Variants in DYM observed in about 807,000 individuals in gnomAD.
DYM encodes the protein dymeclin.
A neutral mutation model predicts 93.1 loss-of-function variants in DYM; 78 were observed. The observed-to-expected ratio is 0.84, with a 90% CI of 0.70 to 1.01. The LOEUF (loss-of-function observed/expected upper bound fraction) is 1.01. Among genes scored for constraint, DYM ranks in the 50% least tolerant of loss-of-function variants. The probability of loss-of-function intolerance (pLI) is 0.00; values close to 1 mark genes in which losing one functional copy is unlikely to be tolerated. For synonymous variants in DYM, 321 were observed against 319.7 expected (o/e 1.00, Z -0.04); for missense variants, 789 against 845.0 (o/e 0.93, Z 0.82).
chr18:49,249,441 C>A lies in DYM; in HGVS notation c.1460+7569G>T, dbSNP rs545323649. ...ATAGGTCAATTTGCTTATTAATATTCCCTTTCATGTTTGAGAAAAAAACCC... is the reference window on the plus strand; with the variant it reads ...ATAGGTCAATTTGCTTATTAATATTACCTTTCATGTTTGAGAAAAAAACCC... On this transcript the variant is annotated intron_variant, in intron 13 of 17. Coordinates refer to ENST00000675505, the MANE Select transcript of DYM (RefSeq NM_001353214.3). Among the ~76,000 whole-genome samples, 29 of 152,126 alleles carry A rather than the reference C, an allele frequency of 1.9e-4. 1 individual carries two copies. Among genetic ancestry groups the A allele is most frequent in the Admixed American group, 1.9e-3 (29 of 15,286 alleles).
chr18:49,258,821 C>CACAG (rs796581808), intron 11 of DYM, among the ~76,000 whole-genome samples: 22,944 of 133,968 alleles, frequency 0.17, 2,672 homozygotes, highest in East Asian at 0.33. Flanking sequence ...CACACACACA[C>CACAG]AGAGACACAC....
At chr18:49,393,096 GGAAGGAAGGAAGGAAGGAA>G (rs2069565648) in intron 2 of DYM, among the ~76,000 whole-genome samples, 1,081 of 13,642 alleles carry the variant, frequency 0.079, 98 homozygotes, top group South Asian at 0.15. Context: ...AGGGAGGGAA[GGAAGGAAGGAAGGAAGGAA>G]GGAAGGAAGG....
chr18:49,203,067 C>T (rs183662364), intron 14 of DYM, among the ~76,000 whole-genome samples: 2 of 9,540 alleles, frequency 2.1e-4, no homozygotes, highest in Admixed American at 1.0e-3. Context: ...GTCAGCCCTC[C>T]GCCCGGCCAG....
chr18:49,405,707 T>A (rs1468941624), intron 2 of DYM, among the ~76,000 whole-genome samples: 2 of 152,232 alleles, frequency 1.3e-5, no homozygotes, highest in African/African-American at 4.8e-5. Flanking sequence ...GTTTTGGCTA[T>A]TCAAGCTCTT....
chr18:49,388,277 C>T (rs958564642), intron 3 of DYM, among the ~76,000 whole-genome samples: 8 of 151,856 alleles, frequency 5.3e-5, no homozygotes, highest in Non-Finnish European at 8.8e-5. Flanking sequence ...TTGCAGTGAG[C>T]GGTGATAGTG....
chr18:49,147,142 T>C, intron 15 of DYM, among the ~76,000 whole-genome samples: 1 of 152,070 alleles, frequency 6.6e-6, no homozygotes, highest in Admixed American at 6.6e-5. Context: ...TGGCTAGCCA[T>C]ATGTAGAAAG....
intron 17 of DYM, among the ~76,000 whole-genome samples, chr18:49,095,025 G>A (rs1202665077): frequency 6.6e-6 from 1 of 152,152 alleles, no homozygotes; most frequent in African/African-American, 2.4e-5. Flanking sequence ...TATTAAGACA[G>A]CATTTCCAAT....
chr18:49,455,606 C>T (rs1006361688), intron 1 of DYM, among the ~76,000 whole-genome samples: 2 of 152,050 alleles, frequency 1.3e-5, no homozygotes, highest in Admixed American at 1.3e-4. Flanking sequence ...AGGACTCAAA[C>T]CTAGAGTTTC....
At chr18:49,082,636 C>T (rs1455109828) in intron 17 of DYM, among the ~76,000 whole-genome samples, 1 of 152,136 alleles carries the variant, frequency 6.6e-6, no homozygotes, top group African/African-American at 2.4e-5. Flanking sequence ...AAAAACAGTA[C>T]AGAATGGTAA....
chr18:49,202,263 T>G (rs2092056803), intron 14 of DYM, among the ~76,000 whole-genome samples: 1 of 152,206 alleles, frequency 6.6e-6, no homozygotes, highest in African/African-American at 2.4e-5. Context: ...GACCTTTTGG[T>G]CAGAGCAACA....
At chr18:49,402,923 C>A (rs1191489322) in intron 2 of DYM, among the ~76,000 whole-genome samples, 1 of 152,110 alleles carries the variant, frequency 6.6e-6, no homozygotes, top group Non-Finnish European at 1.5e-5. Context: ...ACTGGTATGA[C>A]CTAGCCAAAT....
intron 14 of DYM, among the ~76,000 whole-genome samples, chr18:49,173,524 CTTAAG>C (rs1469208671): frequency 1.3e-4 from 19 of 151,980 alleles, no homozygotes; most frequent in Admixed American, 2.0e-4. Flanking sequence ...TAAGTCTATT[CTTAAG>C]TTATTTCATA....
At chr18:49,097,792 T>A (rs1435541248) in intron 16 of DYM, among the ~76,000 whole-genome samples, 1 of 151,960 alleles carries the variant, frequency 6.6e-6, no homozygotes, top group Non-Finnish European at 1.5e-5. Context: ...GCATTTATAT[T>A]TCGTTTATAG....
rs1209020716 is a variant in DYM, at chr18:49,037,960, G to A, written c.*6095C>T. Among the ~76,000 whole-genome samples, 4 of 152,088 alleles carry A rather than the reference G, an allele frequency of 2.6e-5. No homozygotes were observed. Among genetic ancestry groups the A allele is most frequent in the Admixed American group, 6.6e-5 (1 of 15,260 alleles). ...CTGCCTCAGCTTCCCAAGTAGCTGGGGCTATAGGCACATGCCACCATGCCC... is the reference window on the plus strand; with the variant it reads ...CTGCCTCAGCTTCCCAAGTAGCTGGAGCTATAGGCACATGCCACCATGCCC... On this transcript the variant is annotated 3_prime_UTR_variant, in exon 18 of 18. Transcript: ENST00000675505.
chr18:49,231,472 C>T (rs79235830), intron 13 of DYM, among the ~76,000 whole-genome samples: 2,086 of 152,282 alleles, frequency 0.014, 44 homozygotes, highest in African/African-American at 0.047. Context: ...ACCCAATTTT[C>T]CATCCATCTC....
intron 2 of DYM, among the ~76,000 whole-genome samples, chr18:49,398,296 C>G (rs535574566): frequency 5.7e-4 from 87 of 152,248 alleles, no homozygotes; most frequent in Middle Eastern, 3.4e-3. Flanking sequence ...TCTGCTGCCT[C>G]CCTACCCCTT....
intron 10 of DYM, among the ~76,000 whole-genome samples, chr18:49,278,963 G>A (rs2094909107): frequency 1.3e-5 from 2 of 152,100 alleles, no homozygotes; most frequent in Non-Finnish European, 2.9e-5. Flanking sequence ...ATTTAATTGT[G>A]ATAAAATATA....
At chr18:49,201,447 C>G (rs2091982535) in intron 14 of DYM, among the ~76,000 whole-genome samples, 1 of 152,112 alleles carries the variant, frequency 6.6e-6, no homozygotes, top group African/African-American at 2.4e-5. Context: ...AAATGCATGA[C>G]AGTCATCAGA....
intron 6 of DYM, among the ~76,000 whole-genome samples, chr18:49,362,369 T>C (rs1368570205): frequency 6.6e-6 from 1 of 152,102 alleles, no homozygotes; most frequent in Non-Finnish European, 1.5e-5. Context: ...GAGATGAACA[T>C]TTCGAATCAC....
Sources: gnomAD v4.1 joint callset for allele counts (sites outside exome capture counted in the v4.1 genomes callset) on GRCh38, gnomAD v4.1.1 for gene constraint, MANE v1.5 for transcripts, NCBI Gene and HGNC (gene_info 2026-07-23, HGNC 2026-07-21) for gene names.